The following THSD7B variants were observed in gnomAD, a reference collection of about 807,000 sequenced individuals.
The protein encoded by THSD7B is thrombospondin type-1 domain-containing protein 7B.
THSD7B carries 138 observed loss-of-function variants against 213.6 expected under a neutral mutation model. The ratio of observed to expected loss-of-function variants is 0.65; its 90% CI spans 0.56 to 0.74. THSD7B has a LOEUF of 0.74. Among genes scored for constraint, THSD7B ranks in the 30% least tolerant of loss-of-function variants. The probability of loss-of-function intolerance (pLI) is 0.00; values close to 1 mark genes in which losing one functional copy is unlikely to be tolerated. For synonymous variants in THSD7B, 742 were observed against 687.0 expected, an observed-to-expected ratio of 1.08 and a Z score of -1.25; for missense variants, 1,931 against 1,991.5, an observed-to-expected ratio of 0.97 and a Z score of 0.58.
In THSD7B at chr2:137,642,335, T is replaced by C. The variant is rs527756984; in HGVS notation, c.3800-153T>C. On this transcript the variant is annotated intron_variant, in intron 20 of 27. Transcript: ENST00000409968. The stretch of plus-strand genomic sequence containing the variant: ...TAGATAGCCTGTGTCTCTGTGGAAC[T>C]CTAAATGAAAATGACAGAAAAACTA... The C allele has an allele frequency of 3.1e-5, 28 of 903,688 alleles. No individual in the cohort carries two copies. The African/African-American group carries it at 4.5e-4, about 15-fold the overall frequency. The allele number at this position is 903,688 out of a possible 1,614,324, so 56.0% of individuals were successfully genotyped here.
chr2:137,427,119 T>A (rs1687077615), intron 14 of THSD7B, among the ~76,000 whole-genome samples: 1 of 152,078 alleles, frequency 6.6e-6, no homozygotes, highest in South Asian at 2.1e-4. Context: ...CAGTCTTTTA[T>A]TAAATAGTCA....
chr2:137,667,896 AT>A lies in THSD7B; in HGVS notation c.4739+40del, dbSNP rs1553468288. On this transcript the variant is annotated intron_variant, in intron 27 of 27. Coordinates refer to ENST00000409968, the MANE Select transcript of THSD7B (RefSeq NM_001316349.2). ...AATTAGTAAAAAGTTTATGTTCCGT[AT>A]TTTTATGGATTTCATGTTATACTTA... The A allele has an allele frequency of 2.0e-6, 3 of 1,483,460 alleles. No homozygotes were observed. The East Asian group carries it at 7.3e-5, about 36-fold the overall frequency. The allele number at this position is 1,483,460 out of a possible 1,614,324, so 91.9% of individuals were successfully genotyped here.
chr2:137,147,367 A>G (rs550363073), intron 5 of THSD7B, among the ~76,000 whole-genome samples: 1 of 152,196 alleles, frequency 6.6e-6, no homozygotes, highest in South Asian at 2.1e-4. Context: ...CTTCCTTTGA[A>G]GCTGAGTTAA....
chr2:137,519,293 A>AT (rs1680134894), intron 15 of THSD7B, among the ~76,000 whole-genome samples: 1 of 147,934 alleles, frequency 6.8e-6, no homozygotes, highest in Non-Finnish European at 1.5e-5. Flanking sequence ...GGAAAAGGCC[A>AT]TTATTATTCA....
intron 5 of THSD7B, among the ~76,000 whole-genome samples, chr2:137,158,452 TG>T (rs1339813803): frequency 5.9e-5 from 9 of 152,210 alleles, no homozygotes; most frequent in African/African-American, 2.2e-4. Context: ...GCTTGCAAAC[TG>T]TAACATTTAC....
chr2:137,577,047 A>C (rs564838716), intron 17 of THSD7B, among the ~76,000 whole-genome samples: 1 of 152,236 alleles, frequency 6.6e-6, no homozygotes, highest in African/African-American at 2.4e-5. Context: ...CCTAATGATT[A>C]CAACCCTCAT....
chr2:137,358,976 G>A (rs576541343), intron 12 of THSD7B, among the ~76,000 whole-genome samples: 1 of 152,258 alleles, frequency 6.6e-6, no homozygotes, highest in African/African-American at 2.4e-5. Flanking sequence ...GCATTCATCA[G>A]AGATCAAAAA....
chr2:137,094,860 CTGTTTT>C lies in THSD7B; in HGVS notation c.951-11_951-6del. ...ATATATGGCCTCCTATTTTCTACTT[CTGTTTT>C]TTTCAGCCTTTGCCTTCAAGATTCC... is the stretch of plus-strand genomic sequence containing the variant. On this transcript the variant is annotated splice_region_variant and splice_polypyrimidine_tract_variant and intron_variant, in intron 3 of 27. Coordinates refer to ENST00000409968, the MANE Select transcript of THSD7B (RefSeq NM_001316349.2). The C allele has an allele frequency of 6.2e-7, 1 of 1,606,978 alleles. No homozygotes were observed. Among genetic ancestry groups the C allele is most frequent in the Non-Finnish European group, 8.5e-7 (1 of 1,174,870 alleles).
chr2:137,401,920 A>T (rs1686375765), intron 12 of THSD7B, among the ~76,000 whole-genome samples: 1 of 152,170 alleles, frequency 6.6e-6, no homozygotes, highest in Non-Finnish European at 1.5e-5. Flanking sequence ...GATGCTTACA[A>T]ATCTAGCACC....
At chr2:137,634,820 G>A (rs1250449307) in intron 20 of THSD7B, among the ~76,000 whole-genome samples, 1 of 152,168 alleles carries the variant, frequency 6.6e-6, no homozygotes, top group African/African-American at 2.4e-5. Flanking sequence ...CTTTGTCAGT[G>A]GAGCCTCAAG....
intron 2 of THSD7B, among the ~76,000 whole-genome samples, chr2:136,989,241 C>A (rs1283330457): frequency 6.6e-6 from 1 of 151,938 alleles, no homozygotes; most frequent in Non-Finnish European, 1.5e-5. Flanking sequence ...TATTTTGTCC[C>A]CTTCAAATCT....
At chr2:137,176,315 G>A (rs146681615) in intron 7 of THSD7B, among the ~76,000 whole-genome samples, 1 of 152,250 alleles carries the variant, frequency 6.6e-6, no homozygotes, top group East Asian at 1.9e-4. Flanking sequence ...ATTAAGATGT[G>A]CATTTTAGAA....
chr2:136,825,463 C>T (rs540498939), intron 1 of THSD7B, among the ~76,000 whole-genome samples: 3 of 152,234 alleles, frequency 2.0e-5, no homozygotes, highest in African/African-American at 7.2e-5. Flanking sequence ...GTCCCTTCCT[C>T]CACCTTCAAA....
chr2:137,472,637 G>A (rs1013954979), intron 15 of THSD7B, among the ~76,000 whole-genome samples: 1 of 152,158 alleles, frequency 6.6e-6, no homozygotes, highest in Admixed American at 6.5e-5. Context: ...ACAACTTTCA[G>A]CCTTACCCAG....
At chr2:137,361,472 C>T (rs1487692843) in intron 12 of THSD7B, among the ~76,000 whole-genome samples, 14 of 152,062 alleles carry the variant, frequency 9.2e-5, no homozygotes, top group African/African-American at 3.4e-4. Context: ...CAAAAGGAAG[C>T]TAAAAACCTT....
intron 2 of THSD7B, among the ~76,000 whole-genome samples, chr2:136,971,823 TAAG>T (rs1685409909): frequency 1.3e-5 from 2 of 152,076 alleles, no homozygotes; most frequent in Non-Finnish European, 2.9e-5. Flanking sequence ...TCTCTCATAA[TAAG>T]AAGTTTCGAG....
Position 136,974,249 on chromosome 2 carries a change from G to A in THSD7B, c.140-82171G>A, listed in dbSNP as rs147917691. On this transcript the variant is annotated intron_variant, in intron 2 of 27. Coordinates refer to ENST00000409968, the MANE Select transcript of THSD7B (RefSeq NM_001316349.2). Reference sequence around the variant, plus strand: ...GTACATGTGCATGTTTGTTACATATGTAAATGTGTGCCATGGTGTTTTGCT... The same window carrying A: ...GTACATGTGCATGTTTGTTACATATATAAATGTGTGCCATGGTGTTTTGCT... 3.3e-5 allele frequency among the ~76,000 whole-genome samples: 5 copies of A among 152,044 alleles called. No individual in the cohort carries two copies. In the East Asian group the frequency reaches 7.7e-4, roughly 24 times the overall value.
At chr2:137,631,316 G>T (rs902209784) in intron 20 of THSD7B, among the ~76,000 whole-genome samples, 1 of 152,076 alleles carries the variant, frequency 6.6e-6, no homozygotes, top group Non-Finnish European at 1.5e-5. Context: ...GTGGGATGTA[G>T]AACTCCCTAA....
chr2:137,337,587 A>T (rs531722933), intron 12 of THSD7B, among the ~76,000 whole-genome samples: 1 of 152,188 alleles, frequency 6.6e-6, no homozygotes, highest in East Asian at 1.9e-4. Context: ...TTACTTTGAG[A>T]CTATAAAAGC....
Sources: allele counts gnomAD v4.1 joint callset (sites outside exome capture counted in the v4.1 genomes callset), GRCh38; gene constraint gnomAD v4.1.1; transcripts MANE v1.5; gene names NCBI Gene and HGNC (gene_info 2026-07-23, HGNC 2026-07-21).